Variants in THOC7 observed in about 807,000 individuals in gnomAD.
The protein encoded by THOC7 is NIF3L1-binding protein 1.
In THOC7, 22 loss-of-function variants were observed where a neutral mutation model predicts 33.1. That is an observed-to-expected ratio of 0.66 (90% CI 0.47 to 0.95). The LOEUF is 0.95. THOC7 is among the 40% of genes least tolerant of loss of function. THOC7 has a pLI of 0.00. For missense variants in THOC7, 184 were observed against 245.3 expected, an observed-to-expected ratio of 0.75 and a Z score of 1.67; for synonymous variants, 77 against 76.8, an observed-to-expected ratio of 1.00 and a Z score of -0.01.
chr3:63,842,264 A>G (rs1447278829), intron 1 of THOC7, among the ~76,000 whole-genome samples: 1 of 152,242 alleles, frequency 6.6e-6, no homozygotes, highest in African/African-American at 2.4e-5. Context: ...ACAGTGAGAT[A>G]CTAGCTCACC....
At chr3:63,843,080 C>T (rs1701802242) in intron 1 of THOC7, among the ~76,000 whole-genome samples, 1 of 151,948 alleles carries the variant, frequency 6.6e-6, no homozygotes, top group Non-Finnish European at 1.5e-5. Context: ...AGCCTCTGTG[C>T]CTGCCCCAAC....
chr3:63,858,658 T>G (rs1208222317), intron 1 of THOC7, among the ~76,000 whole-genome samples: 1 of 152,172 alleles, frequency 6.6e-6, no homozygotes, highest in Non-Finnish European at 1.5e-5. Flanking sequence ...TCCTTTAAAT[T>G]AACACATACA....
Position 63,852,132 on chromosome 3 carries a change from C to T in THOC7, c.19+11640G>A, listed in dbSNP as rs115879036. Reference sequence around the variant, plus strand: ...AAGATACAGCCATAAAACTTGGTAGCATCTACATGACGCTAATTCTGCAGG... The same window carrying T: ...AAGATACAGCCATAAAACTTGGTAGTATCTACATGACGCTAATTCTGCAGG... On this transcript the variant is annotated intron_variant, in intron 1 of 7. Transcript: ENST00000295899. Among the ~76,000 whole-genome samples the T allele has an allele frequency of 6.9e-3, 1,058 of 152,290 alleles. 31 individuals are homozygous for T. Among genetic ancestry groups the T allele is most frequent in the Admixed American group, 0.049 (749 of 15,288 alleles).
intron 1 of THOC7, among the ~76,000 whole-genome samples, chr3:63,853,979 T>A (rs1702065030): frequency 6.6e-6 from 1 of 152,244 alleles, no homozygotes; most frequent in Non-Finnish European, 1.5e-5. Context: ...GTTGAAGATT[T>A]ATCTATAGAT....
At chr3:63,846,352 A>G (rs1339969229) in intron 1 of THOC7, 1 of 243,602 alleles carries the variant, frequency 4.1e-6, no homozygotes, top group Non-Finnish European at 8.5e-6. Flanking sequence ...AAACCTAGAG[A>G]AAAATTTCAC....
At chr3:63,860,644 GTTAA>G (rs1702192556) in intron 1 of THOC7, 1 of 152,072 alleles carries the variant, frequency 6.6e-6, no homozygotes, top group Non-Finnish European at 1.5e-5. Flanking sequence ...TTACAGCTTG[GTTAA>G]TTAATGTACT....
At chr3:63,846,885 G>C (rs1317438598) in intron 1 of THOC7, among the ~76,000 whole-genome samples, 1 of 152,142 alleles carries the variant, frequency 6.6e-6, no homozygotes, top group Admixed American at 6.5e-5. Flanking sequence ...AAACCCAAAA[G>C]ACTGCAAATT....
At chr3:63,864,470 C>G (rs1702342275), upstream of THOC7, 1 of 152,074 alleles carries the variant, frequency 6.6e-6, no homozygotes, top group South Asian at 2.1e-4. Context: ...GGGGCGCGGC[C>G]GGCAATCAAA....
intron 1 of THOC7, chr3:63,848,773 T>C (rs1701958977): frequency 6.6e-6 from 1 of 152,022 alleles, no homozygotes; most frequent in Admixed American, 6.5e-5. Context: ...CATGGCTTCT[T>C]TATTTGAAAC....
At chr3:63,834,494 T>A (rs943701573) in intron 7 of THOC7, among the ~76,000 whole-genome samples, 3 of 151,876 alleles carry the variant, frequency 2.0e-5, no homozygotes, top group Admixed American at 2.0e-4. Flanking sequence ...ACCCCGTCTC[T>A]ACTAAAAATA....
intron 1 of THOC7, chr3:63,848,706 GAGCAC>G (rs1207224882): frequency 2.6e-5 from 4 of 152,192 alleles, no homozygotes; most frequent in Non-Finnish European, 5.9e-5. Flanking sequence ...AGATCAAACA[GAGCAC>G]GAATTAATTA....
At position 63,834,132 on chromosome 3, in the gene THOC7, C is replaced by G. The variant is rs80072081; in HGVS notation, c.615G>C (p.Ter205TyrextTer3). ...TGGGAGTGGTGGGCAATTAGCCTGT[C>G]TATGGCTTAGGATCTGTTTCCATGC... ...EASMETDPKP[*>Y] Residue 205 changes from the stop codon to tyrosine, a stop_lost, in exon 8 of 8, where the codon TAG becomes TAC. Coordinates refer to ENST00000295899, the MANE Select transcript of THOC7 (RefSeq NM_025075.4). The G allele has an allele frequency of 6.2e-7, 1 of 1,613,974 alleles. No individual in the cohort carries two copies. Among genetic ancestry groups the G allele is most frequent in the African/African-American group, 1.3e-5 (1 of 75,022 alleles).
intron 1 of THOC7, chr3:63,846,364 A>C (rs1358115982): frequency 4.0e-6 from 1 of 250,812 alleles, no homozygotes; most frequent in East Asian, 1.4e-4. Flanking sequence ...AAATTTCACA[A>C]GTTTTCTGAA....
intron 1 of THOC7, among the ~76,000 whole-genome samples, chr3:63,846,469 G>A (rs749635975): frequency 9.2e-5 from 14 of 152,010 alleles, no homozygotes; most frequent in Non-Finnish European, 1.6e-4. Flanking sequence ...GTGCAAGGGC[G>A]CAATCTTGGC....
intron 7 of THOC7, 105 bp downstream of exon 7, chr3:63,835,049 A>G: frequency 9.0e-7 from 1 of 1,114,348 alleles, no homozygotes; most frequent in Non-Finnish European, 1.3e-6. Context: ...ACTGTTCAGA[A>G]ATTGAAGGTA....
At chr3:63,854,684 C>T (rs1276416494) in intron 1 of THOC7, 1 of 152,048 alleles carries the variant, frequency 6.6e-6, no homozygotes, top group African/African-American at 2.4e-5. Context: ...CCATCTAGCT[C>T]CTGGAAAGAC....
chr3:63,848,855 T>C (rs1575811248), intron 1 of THOC7, among the ~76,000 whole-genome samples: 1 of 152,242 alleles, frequency 6.6e-6, no homozygotes, highest in African/African-American at 2.4e-5. Flanking sequence ...ATCTATAGCT[T>C]ACAGCAATTT....
intron 1 of THOC7, among the ~76,000 whole-genome samples, chr3:63,848,970 C>T (rs571188368): frequency 1.1e-4 from 17 of 152,270 alleles, no homozygotes; most frequent in Admixed American, 4.6e-4. Flanking sequence ...GTTATTTTTA[C>T]GGCAATTTGG....
At chr3:63,851,917 C>T (rs1702026294) in intron 1 of THOC7, among the ~76,000 whole-genome samples, 3 of 152,154 alleles carry the variant, frequency 2.0e-5, no homozygotes, top group Non-Finnish European at 2.9e-5. Context: ...TCTGTCCCTC[C>T]CACCACAGAC....
Sources: allele counts gnomAD v4.1 joint callset (sites outside exome capture counted in the v4.1 genomes callset), GRCh38; gene constraint gnomAD v4.1.1; transcripts MANE v1.5; gene names NCBI Gene and HGNC (gene_info 2026-07-23, HGNC 2026-07-21).